CLDN19: variants seen among roughly 807,000 people sequenced by gnomAD.
CLDN19 encodes the protein claudin-19.
Under a neutral mutation model 24.5 loss-of-function variants are expected in CLDN19, and 19 were observed. The ratio of observed to expected loss-of-function variants is 0.78; its 90% CI spans 0.54 to 1.14. CLDN19 has a LOEUF of 1.14. CLDN19 is among the 50% of genes most tolerant of loss of function. The pLI is 0.00. For synonymous variants in CLDN19, 117 were observed against 129.6 expected, an observed-to-expected ratio of 0.90 and a Z score of 0.66; for missense variants, 250 against 295.9, an observed-to-expected ratio of 0.84 and a Z score of 1.14.
intron 3 of CLDN19, among the ~76,000 whole-genome samples, chr1:42,736,910 G>A (rs1392838243): frequency 1.7e-4 from 26 of 152,166 alleles, no homozygotes; most frequent in Admixed American, 1.7e-3. Context: ...AGACTTTGTG[G>A]CTGCAGCCAC....
chr1:42,738,102 G>A (rs368967580), intron 3 of CLDN19, 127 bp downstream of exon 3: 26 of 859,296 alleles, frequency 3.0e-5, no homozygotes, highest in Middle Eastern at 3.1e-4. Context: ...TCCTCCTGGC[G>A]CCCCCCTTTA....
In CLDN19 at chr1:42,740,023, G is replaced by T. The variant is rs751251811; in HGVS notation, c.41C>A (p.Ala14Asp). 6 of 1,567,322 alleles carry T rather than the reference G, an allele frequency of 3.8e-6. No individual in the cohort carries two copies. Among genetic ancestry groups the T allele is most frequent in the Non-Finnish European group, 5.2e-6 (6 of 1,155,720 alleles). The change falls in exon 1 of 5, where the codon GCC (alanine) becomes GAC (aspartate). Residue 14 changes from alanine to aspartate, a missense_variant. Ala to Asp is a moderately radical substitution (Grantham distance 126). Coordinates refer to ENST00000296387, the MANE Select transcript of CLDN19 (RefSeq NM_148960.3). ...SGLQLLGYFL[A>D]LGGWVGIIAS... ...AATGATGCCCACCCAGCCACCCAGG[G>T]CCAAGAAGTAGCCCAGGAGCTGGAG...
Position 42,739,905 on chromosome 1 carries a change from G to A in CLDN19, c.159C>T (p.Ser53=), listed in dbSNP as rs776635994. ...AVGLYEGLWM[S]CASQSTGQVQ... ...CTTGCCCAGTGCTCTGGGAGGCGCA[G>A]GACATCCAGAGCCCTTCATAGAGGC... The change falls in exon 1 of 5, where the codon TCC becomes TCT. Residue 53 remains serine (S), a synonymous_variant. Transcript: ENST00000296387. 6.8e-6 allele frequency: 11 copies of A among 1,612,788 alleles called. No homozygotes were observed. The highest frequency in any genetic ancestry group is 9.3e-6 in the Non-Finnish European group (11 of 1,179,692).
chr1:42,738,047 G>A, intron 3 of CLDN19, among the ~76,000 whole-genome samples, 182 bp downstream of exon 3: 1 of 152,196 alleles, frequency 6.6e-6, no homozygotes, highest in East Asian at 1.9e-4. Flanking sequence ...CTGCACCTGG[G>A]TGCCCATCAC....
At chr1:42,735,840 G>C in intron 4 of CLDN19, 38 bp downstream of exon 4, 1 of 1,560,558 alleles carries the variant, frequency 6.4e-7, no homozygotes, top group Non-Finnish European at 8.7e-7. Context: ...GGGCCACTGG[G>C]TGGGGGGCTG....
chr1:42,737,962 C>T (rs932595995), intron 3 of CLDN19, among the ~76,000 whole-genome samples: 3 of 152,202 alleles, frequency 2.0e-5, no homozygotes, highest in Non-Finnish European at 2.9e-5. Flanking sequence ...GGATTACAGG[C>T]GTGAGCCACT....
In CLDN19 at chr1:42,734,285, C is replaced by G. The variant is rs1041346817; in HGVS notation, c.*801G>C. ...TCAAGACCAAAAGCCCTTCTCTGAC[C>G]GCACTGCTGAGTGCAGCAGGCAGCT... On this transcript the variant is annotated 3_prime_UTR_variant, in exon 5 of 5. Coordinates refer to ENST00000296387, the MANE Select transcript of CLDN19 (RefSeq NM_148960.3). The G allele has an allele frequency of 6.6e-6, 1 of 152,328 alleles. No homozygotes were observed. The highest frequency in any genetic ancestry group is 6.5e-5 in the Admixed American group (1 of 15,270). 9.4% of individuals were successfully genotyped at this position (152,328 alleles called of 1,614,324 possible). A position where few individuals can be genotyped will look rare whatever the true frequency, so the allele number is the denominator to read the frequency against.
At chr1:42,736,555 C>A (rs1450014844) in intron 3 of CLDN19, among the ~76,000 whole-genome samples, 3 of 151,566 alleles carry the variant, frequency 2.0e-5, no homozygotes, top group Admixed American at 1.3e-4. Flanking sequence ...TTGCACAAGG[C>A]ACCCCCAGCT....
chr1:42,735,459 G>C (rs1651328824), intron 4 of CLDN19: 1 of 1,411,924 alleles, frequency 7.1e-7, no homozygotes, highest in Non-Finnish European at 9.2e-7. Context: ...GAGGGTGAAG[G>C]TTTCTGCTCA....
At position 42,738,440 on chromosome 1, in the gene CLDN19, TC is replaced by T. The variant is rs1288612884; in HGVS notation, c.368del (p.Gly123GlufsTer12). The T allele has an allele frequency of 6.2e-7, 1 of 1,613,796 alleles. No individual in the cohort carries two copies. On this transcript the variant is annotated frameshift_variant, in exon 2 of 5. Coordinates refer to ENST00000296387, the MANE Select transcript of CLDN19 (RefSeq NM_148960.3). LOFTEE classifies it high-confidence loss of function. The stretch of plus-strand genomic sequence containing the variant: ...ACTCACCTGCCAGGATGAAGAGGGC[TC>T]CCCCGGCGATGGCAACACGGCCCTT... The part of the protein sequence containing the change: ...IAKGRVAIAG[G>X]ALFILAGLCT...
At chr1:42,739,751 A>C (rs1651487761) in intron 1 of CLDN19, 90 bp downstream of exon 1, 1 of 1,076,544 alleles carries the variant, frequency 9.3e-7, no homozygotes, top group African/African-American at 1.6e-5. Context: ...GTTGGAGCCC[A>C]GCGCAGATAG....
At chr1:42,738,010 G>A (rs1393101482) in intron 3 of CLDN19, among the ~76,000 whole-genome samples, 1 of 152,206 alleles carries the variant, frequency 6.6e-6, no homozygotes, top group Non-Finnish European at 1.5e-5. Flanking sequence ...CCAGAGCCAG[G>A]GCACTTAGGT....
chr1:42,736,114 AGT>A (rs1651363444), intron 3 of CLDN19, 84 bp from the exon 4 acceptor site: 6 of 865,344 alleles, frequency 6.9e-6, no homozygotes, highest in African/African-American at 1.7e-5. Context: ...GGAAGGGCAG[AGT>A]GTGTGGAGCT....
Position 42,734,219 on chromosome 1 carries a change from G to C in CLDN19, c.*867C>G, listed in dbSNP as rs796839004. ...GCTGGTTTCCTTACATTCCTCTCAG[G>C]CCCTTCCCCCTGTATGCTAAGGGGG... On this transcript the variant is annotated 3_prime_UTR_variant, in exon 5 of 5. Transcript: ENST00000296387. 5.3e-5 allele frequency: 8 copies of C among 152,318 alleles called. No homozygotes were observed. Among genetic ancestry groups the C allele is most frequent in the African/African-American group, 1.4e-4 (6 of 41,406 alleles). The allele number at this position is 152,318 out of a possible 1,614,324, so 9.4% of individuals were successfully genotyped here.
In CLDN19 at chr1:42,740,068, C is replaced by T; in HGVS notation, c.-5G>A. 1 of 1,550,800 alleles carries T rather than the reference C, an allele frequency of 6.4e-7. No individual in the cohort carries two copies. Among genetic ancestry groups the T allele is most frequent in the South Asian group, 1.2e-5 (1 of 84,174 alleles). ...CTGGAGGCCTGAGTTGGCCATGGCCCAGGAGAGAGGACCGAGGGTCCCAGG... is the reference window on the plus strand; with the variant it reads ...CTGGAGGCCTGAGTTGGCCATGGCCTAGGAGAGAGGACCGAGGGTCCCAGG... On this transcript the variant is annotated 5_prime_UTR_variant, in exon 1 of 5. Transcript: ENST00000296387.
intron 3 of CLDN19, among the ~76,000 whole-genome samples, chr1:42,736,577 C>T (rs951419520): frequency 1.3e-5 from 2 of 152,192 alleles, no homozygotes; most frequent in Non-Finnish European, 2.9e-5. Context: ...GGGCACCAAG[C>T]CCCCCAGCCC....
chr1:42,737,549 A>G lies in CLDN19; in HGVS notation c.473+680T>C, dbSNP rs1210841851. On this transcript the variant is annotated intron_variant, in intron 3 of 4. Transcript: ENST00000296387. ...GGCACGGTGCCACACCCTCACCTGC[A>G]TCCTGCTGGATCCTGACAACCATGT... Among the ~76,000 whole-genome samples, 6 of 152,252 alleles carry G rather than the reference A, an allele frequency of 3.9e-5. No individual in the cohort carries two copies. In the East Asian group the frequency reaches 1.2e-3, roughly 29 times the overall value.
intron 3 of CLDN19, among the ~76,000 whole-genome samples, chr1:42,737,006 T>C (rs1651395298): frequency 6.6e-6 from 1 of 152,134 alleles, no homozygotes; most frequent in African/African-American, 2.4e-5. Context: ...TCCCTCCCGA[T>C]TGCAAAAGCC....
In CLDN19 at chr1:42,738,067, G is replaced by A. The variant is rs554768720; in HGVS notation, c.473+162C>T. 3.1e-4 allele frequency among the ~76,000 whole-genome samples: 47 copies of A among 152,290 alleles called. 1 individual carries two copies. The South Asian group carries it at 4.4e-3, about 14-fold the overall frequency. On this transcript the variant is annotated intron_variant, in intron 3 of 4. Transcript: ENST00000296387. ...CCTGGGTGCCCATCACAGGCCTCCC[G>A]CCCCTATGGAGGGCCCCACCACACT...
Sources: gnomAD v4.1 joint callset for allele counts (sites outside exome capture counted in the v4.1 genomes callset) on GRCh38, gnomAD v4.1.1 for gene constraint, MANE v1.5 for transcripts, NCBI Gene and HGNC (gene_info 2026-07-23, HGNC 2026-07-21) for gene names.